The following IGSF21 variants were observed in gnomAD, a reference collection of about 807,000 sequenced individuals.
IGSF21 encodes immunoglobin superfamily member 21.
Under a neutral mutation model 46.8 loss-of-function variants are expected in IGSF21, and 28 were observed. The observed-to-expected ratio is 0.60, with a 90% CI of 0.44 to 0.82. The LOEUF is 0.82. Among genes scored for constraint, IGSF21 ranks in the 40% least tolerant of loss-of-function variants. The probability of loss-of-function intolerance (pLI) is 0.00; values close to 1 mark genes in which losing one functional copy is unlikely to be tolerated. For synonymous variants in IGSF21, 284 were observed against 273.6 expected, an observed-to-expected ratio of 1.04 and a Z score of -0.38; for missense variants, 624 against 665.5, an observed-to-expected ratio of 0.94 and a Z score of 0.69.
chr1:18,245,064 C>T (rs1183029509), intron 2 of IGSF21, among the ~76,000 whole-genome samples: 1 of 152,146 alleles, frequency 6.6e-6, no homozygotes, highest in Non-Finnish European at 1.5e-5. Flanking sequence ...TAATTTCTTG[C>T]CTTATTCCAT....
At chr1:18,161,046 G>A (rs1192085528) in intron 1 of IGSF21, among the ~76,000 whole-genome samples, 1 of 152,118 alleles carries the variant, frequency 6.6e-6, no homozygotes, top group African/African-American at 2.4e-5. Context: ...CTGGGGCCTG[G>A]CCAGGGAATC....
At chr1:18,208,395 A>ATATATATATATTTT (rs369367032) in intron 1 of IGSF21, among the ~76,000 whole-genome samples, 3 of 123,766 alleles carry the variant, frequency 2.4e-5, no homozygotes, top group Admixed American at 8.2e-5. Flanking sequence ...ATATATATAT[A>ATATATATATATTTT]TTTTTTGAGA....
Position 18,334,969 on chromosome 1 carries a change from A to G in IGSF21, c.383A>G (p.Lys128Arg). 3.1e-6 allele frequency: 5 copies of G among 1,614,174 alleles called. No individual in the cohort carries two copies. Among genetic ancestry groups the G allele is most frequent in the Non-Finnish European group, 4.2e-6 (5 of 1,180,000 alleles). Residue 128 changes from lysine (K) to arginine (R), a missense_variant, in exon 4 of 10, where the codon AAG (lysine) becomes AGG (arginine). Coordinates refer to ENST00000251296, the MANE Select transcript of IGSF21 (RefSeq NM_032880.5). This position sits in a 1 kb window ranked among gnomAD's most constrained non-coding sequence, Gnocchi z 4.3. ...VGIYDRATRE[K>R]VVLASGNIFL... is the part of the protein sequence containing the mutation. ...ATCTACGACCGCGCCACCAGGGAGA[A>G]GGTGGTCCTGGCATCAGGCAACATC...
intron 1 of IGSF21, chr1:18,110,236 G>A (rs72655105): frequency 0.084 from 12,756 of 152,324 alleles, 660 homozygotes; most frequent in Non-Finnish European, 0.11. Context: ...TTCCGCGTCT[G>A]GGGCGCAGAG....
chr1:18,208,544 G>C (rs975627624), intron 1 of IGSF21, among the ~76,000 whole-genome samples: 1 of 101,438 alleles, frequency 9.9e-6, no homozygotes, highest in Admixed American at 1.2e-4. Flanking sequence ...ATCAAGCCCA[G>C]CTAATTTTTT....
intron 1 of IGSF21, among the ~76,000 whole-genome samples, chr1:18,226,186 G>A (rs369566225): frequency 6.6e-6 from 1 of 152,188 alleles, no homozygotes; most frequent in East Asian, 1.9e-4. Context: ...CCCATGGCTG[G>A]GATCATCCAG....
chr1:18,250,115 C>CTCCT (rs1327088881), intron 2 of IGSF21, among the ~76,000 whole-genome samples: 3 of 136,030 alleles, frequency 2.2e-5, no homozygotes, highest in Admixed American at 1.5e-4. Context: ...CCCTCCCTCC[C>CTCCT]TCCCTCCCTC....
intron 2 of IGSF21, among the ~76,000 whole-genome samples, chr1:18,236,767 T>C (rs1171503327): frequency 6.6e-6 from 1 of 152,038 alleles, no homozygotes; most frequent in South Asian, 2.1e-4. Context: ...AAGAAAGTGG[T>C]TTCAGAAATA....
intron 1 of IGSF21, among the ~76,000 whole-genome samples, chr1:18,206,679 A>G (rs2084330942): frequency 6.6e-6 from 1 of 152,112 alleles, no homozygotes; most frequent in Non-Finnish European, 1.5e-5. Context: ...TGGGCCTGAG[A>G]AAGTGGTAGA....
At chr1:18,166,997 C>T (rs1315442225) in intron 1 of IGSF21, 1 of 153,298 alleles carries the variant, frequency 6.5e-6, no homozygotes, top group East Asian at 1.9e-4. Flanking sequence ...CGTGGAGACT[C>T]TGTTGTGGAA....
At chr1:18,253,491 C>A (rs958026779) in intron 2 of IGSF21, among the ~76,000 whole-genome samples, 2 of 152,190 alleles carry the variant, frequency 1.3e-5, no homozygotes, top group Non-Finnish European at 2.9e-5. Flanking sequence ...GCCCAGAGAA[C>A]CCCCAGGCTG....
intron 1 of IGSF21, chr1:18,176,305 C>T (rs1557572621): frequency 6.6e-6 from 1 of 152,196 alleles, no homozygotes; most frequent in South Asian, 2.1e-4. Flanking sequence ...AATGACGAGA[C>T]ACCTGGCTTC....
intron 2 of IGSF21, among the ~76,000 whole-genome samples, chr1:18,273,932 G>C (rs1227356071): frequency 6.6e-6 from 1 of 152,080 alleles, no homozygotes; most frequent in East Asian, 1.9e-4. Context: ...ACCTGGCCTG[G>C]GAGTTTGAAT....
chr1:18,316,292 GC>G (rs2085542608), intron 3 of IGSF21, among the ~76,000 whole-genome samples: 1 of 152,236 alleles, frequency 6.6e-6, no homozygotes. Context: ...CACTGCTGAG[GC>G]CAGAGGGAAT....
At position 18,376,969 on chromosome 1, in the gene IGSF21, C is replaced by A; in HGVS notation, c.1271C>A (p.Thr424Lys). The change falls in exon 8 of 10, where the codon ACG becomes AAG. Residue 424 changes from threonine (T) to lysine (K), a missense_variant. Coordinates refer to ENST00000251296, the MANE Select transcript of IGSF21 (RefSeq NM_032880.5). ...TAQNPLGSTDTHTRLIVFENP... is the reference protein window; with the variant it reads ...TAQNPLGSTDKHTRLIVFENP... Reference sequence around the variant, plus strand: ...CAGAACCCACTGGGCTCCACCGACACGCACACCCGGCTCATCGTGTTTGGT... The same window carrying A: ...CAGAACCCACTGGGCTCCACCGACAAGCACACCCGGCTCATCGTGTTTGGT... 1 of 1,596,622 alleles carries A rather than the reference C, an allele frequency of 6.3e-7. No homozygotes were observed. The highest frequency in any genetic ancestry group is 8.6e-7 in the Non-Finnish European group (1 of 1,166,368).
chr1:18,345,525 T>C (rs1317235979), intron 4 of IGSF21, among the ~76,000 whole-genome samples: 1 of 152,118 alleles, frequency 6.6e-6, no homozygotes, highest in Non-Finnish European at 1.5e-5. Context: ...GCCAGGATTA[T>C]AGGCGCGCAC....
chr1:18,216,340 C>T (rs1254035824), intron 1 of IGSF21, among the ~76,000 whole-genome samples: 1 of 152,164 alleles, frequency 6.6e-6, no homozygotes, highest in Non-Finnish European at 1.5e-5. Context: ...GAGGCAAGCT[C>T]ATAAGGGACT....
intron 3 of IGSF21, among the ~76,000 whole-genome samples, chr1:18,292,298 G>A (rs2085275238): frequency 6.6e-6 from 1 of 152,250 alleles, no homozygotes; most frequent in African/African-American, 2.4e-5. Context: ...CCCAGAGAGG[G>A]GGAGCAATGG....
chr1:18,324,826 C>G (rs2085642038), intron 3 of IGSF21, among the ~76,000 whole-genome samples: 1 of 152,148 alleles, frequency 6.6e-6, no homozygotes, highest in African/African-American at 2.4e-5. Context: ...GAGGAGAAAA[C>G]CCAGGGCTTG....
Sources: gnomAD v4.1 joint callset for allele counts (sites outside exome capture counted in the v4.1 genomes callset) on GRCh38, gnomAD v4.1.1 for gene constraint, Gnocchi (gnomAD v3.1) non-coding constraint, MANE v1.5 for transcripts, NCBI Gene and HGNC (gene_info 2026-07-23, HGNC 2026-07-21) for gene names.